The following CSMD1 variants were observed in gnomAD, a reference collection of about 807,000 sequenced individuals.
CSMD1 encodes CUB and sushi domain-containing protein 1.
CSMD1 carries 213 observed loss-of-function variants against 417.5 expected under a neutral mutation model. That is an observed-to-expected ratio of 0.51 (90% CI 0.46 to 0.57). The LOEUF (loss-of-function observed/expected upper bound fraction) is 0.57. CSMD1 is among the 20% of genes least tolerant of loss of function. CSMD1 has a pLI of 0.00. For missense variants in CSMD1, 6,923 were observed against 4,529.7 expected (o/e 1.53, Z -15.17); for synonymous variants, 2,862 against 1,736.8 (o/e 1.65, Z -16.11).
chr8:4,673,848 G>C (rs916797205), intron 1 of CSMD1, among the ~76,000 whole-genome samples: 5 of 152,118 alleles, frequency 3.3e-5, no homozygotes, highest in African/African-American at 9.7e-5. Context: ...GCTTGCCAGG[G>C]ACTGCCCGTG....
At chr8:3,537,949 T>G (rs1024453415) in intron 10 of CSMD1, among the ~76,000 whole-genome samples, 2 of 152,226 alleles carry the variant, frequency 1.3e-5, no homozygotes, top group African/African-American at 4.8e-5. Context: ...TTAAAGTTGT[T>G]TATTCACTCA....
intron 10 of CSMD1, among the ~76,000 whole-genome samples, chr8:3,525,251 A>C (rs1797706969): frequency 6.6e-6 from 1 of 152,174 alleles, no homozygotes; most frequent in Admixed American, 6.5e-5. Context: ...CCTGGAACTG[A>C]GGGTCCTTAA....
intron 5 of CSMD1, among the ~76,000 whole-genome samples, chr8:3,760,097 G>C (rs1563349764): frequency 6.6e-6 from 1 of 152,008 alleles, no homozygotes; most frequent in Non-Finnish European, 1.5e-5. Context: ...AGGGGGTTGA[G>C]AAGTGAGAAA....
chr8:3,411,021 G>C (rs1173244903), intron 12 of CSMD1, among the ~76,000 whole-genome samples: 3 of 152,174 alleles, frequency 2.0e-5, no homozygotes, highest in Non-Finnish European at 2.9e-5. Context: ...GCAGGGCAGT[G>C]AGGGACAAAT....
At chr8:3,964,154 G>A (rs977797032) in intron 5 of CSMD1, among the ~76,000 whole-genome samples, 7 of 152,248 alleles carry the variant, frequency 4.6e-5, no homozygotes, top group African/African-American at 1.7e-4. Context: ...AGAGGGTGAA[G>A]ACCAATTTTC....
chr8:4,236,045 T>TTTTTTTTG (rs1802034569), intron 3 of CSMD1, among the ~76,000 whole-genome samples: 1 of 41,060 alleles, frequency 2.4e-5, no homozygotes, highest in Non-Finnish European at 7.8e-5. Context: ...GTTTGTTTTT[T>TTTTTTTTG]TTTTTTTTTT....
At chr8:3,997,319 G>C (rs1159096737) in intron 5 of CSMD1, among the ~76,000 whole-genome samples, 1 of 152,138 alleles carries the variant, frequency 6.6e-6, no homozygotes, top group African/African-American at 2.4e-5. Context: ...ATTAGATCTT[G>C]TTTTCCTTTG....
At chr8:3,109,197 G>A (rs530317939) in intron 43 of CSMD1, among the ~76,000 whole-genome samples, 3 of 152,314 alleles carry the variant, frequency 2.0e-5, no homozygotes, top group Non-Finnish European at 2.9e-5. Context: ...CCCAGGAGGC[G>A]CTGGTTCCAG....
At chr8:4,884,047 C>G (rs895750144) in intron 1 of CSMD1, among the ~76,000 whole-genome samples, 1 of 152,000 alleles carries the variant, frequency 6.6e-6, no homozygotes, top group African/African-American at 2.4e-5. Context: ...CAAATGGTGT[C>G]TCACTATGGT....
intron 10 of CSMD1, among the ~76,000 whole-genome samples, chr8:3,541,952 G>T (rs557547275): frequency 7.7e-4 from 117 of 152,156 alleles, no homozygotes; most frequent in African/African-American, 2.6e-3. Flanking sequence ...GGAGGTGGAG[G>T]TTGGAGTGAG....
intron 3 of CSMD1, among the ~76,000 whole-genome samples, chr8:4,262,467 A>G (rs188492619): frequency 6.5e-4 from 99 of 152,288 alleles, no homozygotes; most frequent in South Asian, 5.2e-3. Flanking sequence ...GCAAAGACAG[A>G]TATTATATTT....
chr8:4,547,088 T>A (rs1026706509), intron 2 of CSMD1, among the ~76,000 whole-genome samples: 1 of 152,206 alleles, frequency 6.6e-6, no homozygotes. Flanking sequence ...GTATATTTCA[T>A]AGTCACCTAA....
At chr8:3,649,426 G>A (rs970753657) in intron 7 of CSMD1, among the ~76,000 whole-genome samples, 3 of 152,172 alleles carry the variant, frequency 2.0e-5, no homozygotes, top group Non-Finnish European at 4.4e-5. Context: ...AACTGCCTGA[G>A]ACTGGGTAAT....
chr8:3,142,779 C>T, intron 40 of CSMD1, 105 bp from the exon 41 acceptor site: 2 of 953,554 alleles, frequency 2.1e-6, no homozygotes, highest in South Asian at 1.4e-5. Flanking sequence ...GACAATCCCT[C>T]TCTGTGAGAC....
intron 1 of CSMD1, among the ~76,000 whole-genome samples, chr8:4,642,558 C>G (rs560781688): frequency 6.6e-6 from 1 of 152,274 alleles, no homozygotes; most frequent in South Asian, 2.1e-4. Context: ...AAACGCCTTC[C>G]TAGATTCTAC....
intron 3 of CSMD1, among the ~76,000 whole-genome samples, chr8:4,292,834 C>G (rs961078117): frequency 5.3e-5 from 8 of 152,034 alleles, no homozygotes; most frequent in African/African-American, 1.9e-4. Flanking sequence ...GAGTCAGGGT[C>G]CCTAAGAATA....
chr8:3,541,028 G>GGTA, intron 10 of CSMD1, among the ~76,000 whole-genome samples: 1 of 152,166 alleles, frequency 6.6e-6, no homozygotes, highest in Non-Finnish European at 1.5e-5. Context: ...CCCATTACTG[G>GGTA]GTATATACCC....
At chr8:3,772,181 T>TAC (rs1798608424) in intron 5 of CSMD1, among the ~76,000 whole-genome samples, 2 of 66,928 alleles carry the variant, frequency 3.0e-5, no homozygotes, top group African/African-American at 9.4e-5. Flanking sequence ...TATATATATA[T>TAC]ATATATATAC....
At chr8:3,435,187 A>C (rs532738577) in intron 12 of CSMD1, among the ~76,000 whole-genome samples, 1 of 152,198 alleles carries the variant, frequency 6.6e-6, no homozygotes, top group Non-Finnish European at 1.5e-5. Context: ...AGGGCAAAAA[A>C]GCCCCTTGAT....
Sources: gnomAD v4.1 joint callset for allele counts (sites outside exome capture counted in the v4.1 genomes callset) on GRCh38, gnomAD v4.1.1 for gene constraint, MANE v1.5 for transcripts, NCBI Gene and HGNC (gene_info 2026-07-23, HGNC 2026-07-21) for gene names.